SDK2: variants seen among roughly 807,000 people sequenced by gnomAD.
SDK2 encodes sidekick cell adhesion molecule 2, also known as protein sidekick-2.
Under a neutral mutation model 253.9 loss-of-function variants are expected in SDK2, and 105 were observed. The observed-to-expected ratio is 0.41, with a 90% CI of 0.35 to 0.49. SDK2 has a LOEUF of 0.49. SDK2 is among the 20% of genes least tolerant of loss of function. The pLI is 0.06. For missense variants in SDK2, 2,608 were observed against 3,003.0 expected (o/e 0.87, Z 3.07); for synonymous variants, 1,249 against 1,234.9 (o/e 1.01, Z -0.24).
At chr17:73,571,435 A>G (rs72845767) in intron 1 of SDK2, among the ~76,000 whole-genome samples, 54 of 152,180 alleles carry the variant, frequency 3.5e-4, no homozygotes, top group Middle Eastern at 3.4e-3. Context: ...TGCCCACAGG[A>G]CACTCTGGGT....
At chr17:73,587,316 GGAGCCTGGACGGGCCAGGGCA>G (rs2045615939) in intron 1 of SDK2, among the ~76,000 whole-genome samples, 1 of 152,184 alleles carries the variant, frequency 6.6e-6, no homozygotes, top group Admixed American at 6.5e-5. Flanking sequence ...GGTGGAGCCA[GGAGCCTGGACGGGCCAGGGCA>G]GAGCCTGGAC....
intron 1 of SDK2, among the ~76,000 whole-genome samples, chr17:73,561,703 G>A (rs2045237426): frequency 6.6e-6 from 1 of 152,224 alleles, no homozygotes. Flanking sequence ...GCAGACTCCT[G>A]TACGGCCTCC....
chr17:73,422,286 C>T lies in SDK2; in HGVS notation c.2045+1G>A. On this transcript the variant is annotated splice_donor_variant, in intron 15 of 44. Coordinates refer to ENST00000392650, the MANE Select transcript of SDK2 (RefSeq NM_001144952.2). LOFTEE classifies it high-confidence loss of function. Reference sequence around the variant, plus strand: ...CCCCTGTAGAGCGCCAGTGCCCTCACCTCTCGGTGTCTTTGCTGAACTGTC... The same window carrying T: ...CCCCTGTAGAGCGCCAGTGCCCTCATCTCTCGGTGTCTTTGCTGAACTGTC... 1 of 1,613,826 alleles carries T rather than the reference C, an allele frequency of 6.2e-7. No individual in the cohort carries two copies. Among genetic ancestry groups the T allele is most frequent in the Non-Finnish European group, 8.5e-7 (1 of 1,179,856 alleles).
At chr17:73,610,315 T>C (rs1407655269) in intron 1 of SDK2, among the ~76,000 whole-genome samples, 2 of 152,194 alleles carry the variant, frequency 1.3e-5, no homozygotes, top group Non-Finnish European at 2.9e-5. Context: ...AGCCAGTCAC[T>C]TAGGGCACCC....
chr17:73,489,459 C>T (rs578137280), intron 2 of SDK2, among the ~76,000 whole-genome samples: 2 of 152,270 alleles, frequency 1.3e-5, no homozygotes, highest in South Asian at 2.1e-4. Context: ...GGGTACCAGG[C>T]AGGGATTGGT....
At chr17:73,412,367 A>G (rs377388731) in intron 18 of SDK2, among the ~76,000 whole-genome samples, 2 of 150,638 alleles carry the variant, frequency 1.3e-5, no homozygotes, top group African/African-American at 4.9e-5. Flanking sequence ...TGAACTCCCA[A>G]CCTCAGGTAA....
At chr17:73,430,745 G>A in intron 11 of SDK2, 132 bp from the exon 12 acceptor site, 1 of 579,426 alleles carries the variant, frequency 1.7e-6, no homozygotes, top group Non-Finnish European at 2.8e-6. Context: ...TTTAATTCTT[G>A]GAAGCCACGT....
intron 38 of SDK2, among the ~76,000 whole-genome samples, chr17:73,362,406 A>ATTTT (rs35982157): frequency 1.4e-5 from 2 of 141,748 alleles, no homozygotes; most frequent in African/African-American, 2.6e-5. Flanking sequence ...ATCTGCCACA[A>ATTTT]TTTTTTTTTT....
intron 39 of SDK2, among the ~76,000 whole-genome samples, chr17:73,359,201 C>A (rs376806251): frequency 1.8e-4 from 27 of 152,002 alleles, no homozygotes; most frequent in Non-Finnish European, 2.9e-4. Context: ...GGTGGGGGGT[C>A]TCTGTGGAGC....
In SDK2 at chr17:73,479,257, G is replaced by A. The variant is rs546139571; in HGVS notation, c.225-7039C>T. 4.6e-5 allele frequency among the ~76,000 whole-genome samples: 7 copies of A among 152,336 alleles called. No homozygotes were observed. In the South Asian group the frequency reaches 1.2e-3, roughly 27 times the overall value. On this transcript the variant is annotated intron_variant, in intron 2 of 44. Coordinates refer to ENST00000392650, the MANE Select transcript of SDK2 (RefSeq NM_001144952.2). ...GGAACAGCAGTGGGCCACTGAGCTC[G>A]GGAACCCAGATTTCCTTCCCTCTCC...
chr17:73,569,135 G>A (rs930499129), intron 1 of SDK2, among the ~76,000 whole-genome samples: 1 of 151,786 alleles, frequency 6.6e-6, no homozygotes, highest in Non-Finnish European at 1.5e-5. Context: ...ACAGCTAGTA[G>A]TAAGAGATAG....
At chr17:73,413,716 C>T (rs2063157324) in intron 18 of SDK2, among the ~76,000 whole-genome samples, 1 of 152,194 alleles carries the variant, frequency 6.6e-6, no homozygotes. Flanking sequence ...TCTTCATTTG[C>T]AAATGAGAAA....
At chr17:73,428,984 C>T (rs775400444) in intron 12 of SDK2, among the ~76,000 whole-genome samples, 21 of 152,210 alleles carry the variant, frequency 1.4e-4, no homozygotes, top group Non-Finnish European at 2.9e-4. Flanking sequence ...GAAGGGCCTA[C>T]AGAGTGGGTC....
chr17:73,343,008 G>C (rs1391642), intron 44 of SDK2, among the ~76,000 whole-genome samples: 139,922 of 152,224 alleles, frequency 0.92, 65,337 homozygotes, highest in Non-Finnish European at 1. Flanking sequence ...GCTCAGGCAG[G>C]TGGAATGGGA....
At chr17:73,621,907 A>C (rs573117641) in intron 1 of SDK2, among the ~76,000 whole-genome samples, 14 of 152,296 alleles carry the variant, frequency 9.2e-5, no homozygotes, top group Non-Finnish European at 1.5e-5. Context: ...GGTGAAAGAC[A>C]TGTATTTACA....
chr17:73,550,264 C>T (rs2045033982), intron 1 of SDK2, among the ~76,000 whole-genome samples: 1 of 152,106 alleles, frequency 6.6e-6, no homozygotes, highest in Non-Finnish European at 1.5e-5. Flanking sequence ...TCTGGTTCTC[C>T]CCGGCCTCCT....
intron 6 of SDK2, among the ~76,000 whole-genome samples, chr17:73,439,016 T>A (rs2063393997): frequency 6.6e-6 from 1 of 152,220 alleles, no homozygotes; most frequent in Non-Finnish European, 1.5e-5. Context: ...GGGGTTTGGA[T>A]GTGTGTCCTC....
chr17:73,502,388 T>A (rs1011969628), intron 2 of SDK2, among the ~76,000 whole-genome samples: 1 of 152,086 alleles, frequency 6.6e-6, no homozygotes, highest in South Asian at 2.1e-4. Flanking sequence ...CAGTCTCCTA[T>A]GGAATGCACT....
chr17:73,535,109 C>T (rs1256672815), intron 1 of SDK2, among the ~76,000 whole-genome samples: 1 of 152,200 alleles, frequency 6.6e-6, no homozygotes, highest in Non-Finnish European at 1.5e-5. Context: ...CCCCTATAGC[C>T]CTGACCAGGA....
Sources: allele counts gnomAD v4.1 joint callset (sites outside exome capture counted in the v4.1 genomes callset), GRCh38; gene constraint gnomAD v4.1.1; transcripts MANE v1.5; gene names NCBI Gene and HGNC (gene_info 2026-07-23, HGNC 2026-07-21).